MCM4: variants seen among roughly 807,000 people sequenced by gnomAD.
The protein encoded by MCM4 is minichromosome maintenance complex component 4, also known as DNA replication licensing factor MCM4.
Under a neutral mutation model 88.7 loss-of-function variants are expected in MCM4, and 60 were observed. The ratio of observed to expected loss-of-function variants is 0.68; its 90% CI spans 0.55 to 0.84. MCM4 has a LOEUF of 0.84. Among genes scored for constraint, MCM4 ranks in the 40% least tolerant of loss-of-function variants. The pLI, the probability that MCM4 is intolerant of heterozygous loss-of-function variation, is 0.00. For synonymous variants in MCM4, 465 were observed against 410.5 expected, an observed-to-expected ratio of 1.13 and a Z score of -1.61; for missense variants, 1,149 against 1,105.5, an observed-to-expected ratio of 1.04 and a Z score of -0.56.
chr8:47,962,284 C>A (rs763182405), intron 4 of MCM4, 21 bp from the exon 5 acceptor site: 46 of 1,614,034 alleles, frequency 2.9e-5, no homozygotes, highest in Non-Finnish European at 3.8e-5. Context: ...TTTCATGATT[C>A]TGTCATGTTT....
intron 8 of MCM4, among the ~76,000 whole-genome samples, chr8:47,965,051 A>G (rs550022987): frequency 3.1e-4 from 47 of 152,082 alleles, no homozygotes; most frequent in African/African-American, 1.1e-3. Flanking sequence ...CTCCTTTACT[A>G]AAAATAGAAA....
At chr8:47,964,547 A>G (rs1175742367) in intron 7 of MCM4, 27 bp from the exon 8 acceptor site, 1 of 1,551,722 alleles carries the variant, frequency 6.4e-7, no homozygotes, top group East Asian at 2.3e-5. Context: ...TATGAATACA[A>G]ATACATCTTC....
At chr8:47,961,486 G>A in intron 2 of MCM4, 30 bp from the exon 3 acceptor site, 1 of 1,613,166 alleles carries the variant, frequency 6.2e-7, no homozygotes, top group Non-Finnish European at 8.5e-7. Flanking sequence ...GAAAGTTAAT[G>A]GCTGTCTTTT....
intron 8 of MCM4, 54 bp downstream of exon 8, chr8:47,964,766 A>T: frequency 1.4e-6 from 2 of 1,428,092 alleles, no homozygotes; most frequent in Non-Finnish European, 1.9e-6. Flanking sequence ...CTTACATGAA[A>T]ATAGCCTTGT....
chr8:47,970,125 A>G, intron 11 of MCM4, 68 bp downstream of exon 11: 1 of 1,523,944 alleles, frequency 6.6e-7, no homozygotes, highest in South Asian at 1.2e-5. Flanking sequence ...ATAAACATCC[A>G]CTCCGCCACT....
At chr8:47,963,136 G>A (rs747799804) in intron 7 of MCM4, 96 bp downstream of exon 7, 38 of 720,256 alleles carry the variant, frequency 5.3e-5, no homozygotes, top group South Asian at 2.0e-4. Flanking sequence ...GATAGTATGC[G>A]CAAACACTTT....
At chr8:47,962,267 A>C in intron 4 of MCM4, 38 bp from the exon 5 acceptor site, 1 of 1,613,764 alleles carries the variant, frequency 6.2e-7, no homozygotes, top group Non-Finnish European at 8.5e-7. Flanking sequence ...CATGTGGGTA[A>C]CTCTGTTTTC....
At chr8:47,963,175 C>T (rs182678765) in intron 7 of MCM4, 135 bp downstream of exon 7, 60 of 565,080 alleles carry the variant, frequency 1.1e-4, no homozygotes, top group South Asian at 3.7e-4. Context: ...TCCTTTGGCC[C>T]GGTGTGGTGG....
At chr8:47,970,985 A>G (rs1207819348) in intron 12 of MCM4, 109 bp downstream of exon 12, 1 of 1,299,422 alleles carries the variant, frequency 7.7e-7, no homozygotes, top group Non-Finnish European at 1.0e-6. Context: ...ACTTGGGGAG[A>G]TTGATAAGTG....
Position 47,975,863 on chromosome 8 carries a change from G to T in MCM4, c.2499+15G>T. ...AATCTGACATAGTAAGTGTTTATAT[G>T]TATTTTTTGTTTGATAGAGCTTTCT... is the stretch of plus-strand genomic sequence containing the variant. On this transcript the variant is annotated intron_variant, in intron 16 of 16. Transcript: ENST00000649973. The T allele has an allele frequency of 6.8e-7, 1 of 1,468,596 alleles. No homozygotes were observed. The highest frequency in any genetic ancestry group is 1.6e-5 in the South Asian group (1 of 64,020). The allele number at this position is 1,468,596 out of a possible 1,614,324, so 91.0% of individuals were successfully genotyped here.
chr8:47,972,455 A>AT (rs1205813041), intron 13 of MCM4, among the ~76,000 whole-genome samples: 1 of 152,066 alleles, frequency 6.6e-6, no homozygotes, highest in Non-Finnish European at 1.5e-5. Context: ...CAGGGTGCAC[A>AT]TTGACTGCAC....
In MCM4 at chr8:47,966,173, T is replaced by C. The variant is rs191317744; in HGVS notation, c.833-14T>C. 2.1e-4 allele frequency: 337 copies of C among 1,610,668 alleles called. 1 individual carries two copies. In the African/African-American group the frequency reaches 4.2e-3, roughly 20 times the overall value. On this transcript the variant is annotated splice_polypyrimidine_tract_variant and intron_variant, in intron 8 of 16. Transcript: ENST00000649973. ...CTCAGGTCAGGTGTGCTGACCTCTC[T>C]TCTCCCCTCACAGACATTGACCAGC...
In MCM4 at chr8:47,972,898, C is replaced by T. The variant is rs2090967935; in HGVS notation, c.1970C>T (p.Ala657Val). Residue 657 changes from alanine (A) to valine (V), a missense_variant, in exon 14 of 17, where the codon GCC becomes GTC. By Grantham distance (64) the Ala-to-Val change is moderately conservative. Around this residue, in one of 3 missense-constraint regions of MCM4, gnomAD observed 906 missense variants for 843.0 expected, o/e 1.07. Coordinates refer to ENST00000649973, the MANE Select transcript of MCM4 (RefSeq NM_182746.3). ...CTCTTGCTGGACCCTCAGGACGAAG[C>T]CTATGACAGGCGTCTGGCTCACCAC... ...IFLLLDPQDE[A>V]YDRRLAHHLV... 1.2e-6 allele frequency: 2 copies of T among 1,614,178 alleles called. No homozygotes were observed. The highest frequency in any genetic ancestry group is 1.7e-4 in the Middle Eastern group (1 of 6,060).
intron 11 of MCM4, 78 bp downstream of exon 11, chr8:47,970,135 T>G: frequency 6.7e-7 from 1 of 1,491,488 alleles, no homozygotes; most frequent in Non-Finnish European, 9.1e-7. Context: ...ACTCCGCCAC[T>G]CGAGCCATCC....
intron 4 of MCM4, 35 bp from the exon 5 acceptor site, chr8:47,962,270 C>CT: frequency 6.2e-7 from 1 of 1,614,000 alleles, no homozygotes; most frequent in South Asian, 1.1e-5. Context: ...GTGGGTAACT[C>CT]TGTTTTCATG....
intron 9 of MCM4, 95 bp downstream of exon 9, chr8:47,966,502 T>C: frequency 8.2e-7 from 1 of 1,222,916 alleles, no homozygotes; most frequent in Non-Finnish European, 1.1e-6. Context: ...GAGCCTCACT[T>C]CCCGAATGGC....
rs765226208 is a variant in MCM4 at position 47,974,938 on chromosome 8, G to A, written c.2341G>A (p.Val781Met). ...QSATDPRTGI[V>M]DISILTTGMS... ...TGCAACTGATCCCCGGACTGGCATC[G>A]TGGACATATCTATTCTTACTACGGG... The change falls in exon 15 of 17, where the codon GTG becomes ATG. Residue 781 changes from valine to methionine, a missense_variant. Transcript: ENST00000649973. The A allele has an allele frequency of 3.5e-5, 56 of 1,614,012 alleles. No individual in the cohort carries two copies. Among genetic ancestry groups the A allele is most frequent in the African/African-American group, 1.9e-4 (14 of 74,920 alleles).
intron 5 of MCM4, 102 bp downstream of exon 5, chr8:47,962,508 C>T: frequency 8.5e-7 from 1 of 1,179,024 alleles, no homozygotes; most frequent in Non-Finnish European, 1.2e-6. Context: ...GAAGGGCCAC[C>T]TGTGGTGGCT....
At chr8:47,967,971 T>G (rs543278016) in intron 10 of MCM4, among the ~76,000 whole-genome samples, 22 of 152,348 alleles carry the variant, frequency 1.4e-4, no homozygotes, top group Admixed American at 1.2e-3. Context: ...GTGACTTGTT[T>G]CCATGTGTAG....
Sources: gnomAD v4.1 joint callset for allele counts (sites outside exome capture counted in the v4.1 genomes callset) on GRCh38, gnomAD v4.1.1 for gene constraint, gnomAD v4.1.1 regional missense constraint, MANE v1.5 for transcripts, NCBI Gene and HGNC (gene_info 2026-07-23, HGNC 2026-07-21) for gene names.